PCDH15: variants seen among roughly 807,000 people sequenced by gnomAD.
PCDH15 encodes protocadherin-15.
PCDH15 carries 129 observed loss-of-function variants against 178.5 expected under a neutral mutation model. The ratio of observed to expected loss-of-function variants is 0.72; its 90% CI spans 0.63 to 0.84. The LOEUF (loss-of-function observed/expected upper bound fraction) is 0.84. Among genes scored for constraint, PCDH15 ranks in the 40% least tolerant of loss-of-function variants. The probability of loss-of-function intolerance (pLI) is 0.00; values close to 1 mark genes in which losing one functional copy is unlikely to be tolerated. For missense variants in PCDH15, 2,230 were observed against 2,099.9 expected (o/e 1.06, Z -1.21); for synonymous variants, 800 against 732.0 (o/e 1.09, Z -1.50).
chr10:54,015,336 C>T (rs1235335983), intron 20 of PCDH15, among the ~76,000 whole-genome samples: 1 of 152,070 alleles, frequency 6.6e-6, no homozygotes, highest in African/African-American at 2.4e-5. Flanking sequence ...CTGCCCAAAA[C>T]AAAGTACAGA....
chr10:54,519,108 C>T (rs979086109), intron 3 of PCDH15, among the ~76,000 whole-genome samples: 2 of 152,170 alleles, frequency 1.3e-5, no homozygotes, highest in Admixed American at 6.5e-5. Context: ...CAACATCATA[C>T]TGAATGGGCA....
At chr10:55,475,987 A>G (rs1255323208) in intron 2 of PCDH15, among the ~76,000 whole-genome samples, 1 of 152,062 alleles carries the variant, frequency 6.6e-6, no homozygotes, top group Non-Finnish European at 1.5e-5. Flanking sequence ...TCTCAGGTGA[A>G]TATTTCTGGG....
intron 15 of PCDH15, among the ~76,000 whole-genome samples, chr10:54,112,444 C>T (rs956879108): frequency 2.6e-5 from 4 of 152,056 alleles, no homozygotes; most frequent in Admixed American, 6.6e-5. Flanking sequence ...AGATCCATTG[C>T]TTTTATCAAT....
intron 2 of PCDH15, among the ~76,000 whole-genome samples, chr10:54,955,767 T>A (rs1329843021): frequency 6.6e-6 from 1 of 151,164 alleles, no homozygotes; most frequent in East Asian, 1.9e-4. Context: ...CTTGGCAGAG[T>A]TACCCATATT....
chr10:53,877,223 T>C (rs1004226731), intron 26 of PCDH15, among the ~76,000 whole-genome samples: 1 of 152,150 alleles, frequency 6.6e-6, no homozygotes, highest in African/African-American at 2.4e-5. Flanking sequence ...GCTTTTTCCG[T>C]CATTATTGCT....
At chr10:55,352,332 A>T (rs1395175146) in intron 2 of PCDH15, among the ~76,000 whole-genome samples, 1 of 152,120 alleles carries the variant, frequency 6.6e-6, no homozygotes, top group Non-Finnish European at 1.5e-5. Context: ...GAGTTCAAAA[A>T]CGGGTTGTAA....
intron 2 of PCDH15, among the ~76,000 whole-genome samples, chr10:54,954,314 G>A (rs1326605087): frequency 6.6e-6 from 1 of 150,974 alleles, no homozygotes; most frequent in Non-Finnish European, 1.5e-5. Context: ...TTCCTTCTGG[G>A]CTTTTTGTAA....
At chr10:54,055,268 A>C (rs950841957) in intron 18 of PCDH15, among the ~76,000 whole-genome samples, 1 of 152,176 alleles carries the variant, frequency 6.6e-6, no homozygotes, top group African/African-American at 2.4e-5. Flanking sequence ...TTTTAAGTTA[A>C]ATAAATTCAG....
At chr10:55,610,778 G>C (rs1321061436) in intron 2 of PCDH15, among the ~76,000 whole-genome samples, 2 of 151,984 alleles carry the variant, frequency 1.3e-5, no homozygotes, top group South Asian at 4.1e-4. Context: ...CTAAAGATCT[G>C]AGTGTTTATG....
At chr10:54,003,736 C>CAAAAAAAAAAAAAAAA in intron 20 of PCDH15, among the ~76,000 whole-genome samples, 1 of 76,206 alleles carries the variant, frequency 1.3e-5, no homozygotes, top group Non-Finnish European at 2.4e-5. Context: ...CAAACTATTC[C>CAAAAAAAAAAAAAAAA]AAAAAAAAAA....
intron 3 of PCDH15, among the ~76,000 whole-genome samples, chr10:54,838,751 C>T (rs1318273434): frequency 6.6e-6 from 1 of 152,110 alleles, no homozygotes; most frequent in East Asian, 1.9e-4. Flanking sequence ...TAGAGGCAGG[C>T]CTGTCAATCT....
At chr10:54,234,001 A>T (rs2054347837) in intron 9 of PCDH15, among the ~76,000 whole-genome samples, 1 of 152,180 alleles carries the variant, frequency 6.6e-6, no homozygotes, top group Non-Finnish European at 1.5e-5. Context: ...TGGAAGCAGG[A>T]GAGGAGTCGT....
chr10:54,416,989 G>C (rs952410469), intron 3 of PCDH15, among the ~76,000 whole-genome samples: 2 of 151,866 alleles, frequency 1.3e-5, no homozygotes, highest in Non-Finnish European at 2.9e-5. Context: ...TTGTAAATTT[G>C]TTTAAGCTCC....
intron 8 of PCDH15, among the ~76,000 whole-genome samples, chr10:54,306,921 A>G (rs1024451812): frequency 1.3e-5 from 2 of 148,788 alleles, no homozygotes; most frequent in African/African-American, 4.9e-5. Flanking sequence ...AGTTACCAGT[A>G]TATTCTGTGA....
chr10:54,537,112 C>A (rs1300463158), intron 2 of PCDH15, among the ~76,000 whole-genome samples: 1 of 148,194 alleles, frequency 6.7e-6, no homozygotes, highest in East Asian at 2.1e-4. Context: ...CAGTCTTCTG[C>A]CTCAGCCTCC....
intron 9 of PCDH15, among the ~76,000 whole-genome samples, chr10:54,215,992 G>A (rs1272456871): frequency 4.1e-5 from 3 of 72,784 alleles, no homozygotes; most frequent in African/African-American, 8.0e-5. Flanking sequence ...GCAGTGAGCT[G>A]AGATCGTACC....
chr10:54,716,028 C>A (rs1680743495), intron 1 of PCDH15, among the ~76,000 whole-genome samples: 1 of 152,100 alleles, frequency 6.6e-6, no homozygotes, highest in Non-Finnish European at 1.5e-5. Context: ...ATGCAGAGAA[C>A]CTGAGGCAGC....
intron 16 of PCDH15, among the ~76,000 whole-genome samples, chr10:54,084,122 G>C (rs2094478577): frequency 1.3e-5 from 2 of 149,138 alleles, no homozygotes; most frequent in African/African-American, 5.0e-5. Context: ...GTCTCTCTCT[G>C]TTGCCCAGGC....
chr10:54,968,816 T>C (rs1244885012), intron 2 of PCDH15, among the ~76,000 whole-genome samples: 1 of 152,170 alleles, frequency 6.6e-6, no homozygotes, highest in Middle Eastern at 3.2e-3. Flanking sequence ...GTTTATTTTT[T>C]CTCTGTGTGT....
Sources: gnomAD v4.1 joint callset for allele counts (sites outside exome capture counted in the v4.1 genomes callset) on GRCh38, gnomAD v4.1.1 for gene constraint, MANE v1.5 for transcripts, NCBI Gene and HGNC (gene_info 2026-07-23, HGNC 2026-07-21) for gene names.